Variants in PAPPA observed in about 807,000 individuals in gnomAD.
PAPPA encodes pappalysin 1, also known as pappalysin-1.
In PAPPA, 60 loss-of-function variants were observed where a neutral mutation model predicts 164.0. That is an observed-to-expected ratio of 0.37 (90% confidence interval 0.30 to 0.45). The LOEUF is 0.45. Ranked by LOEUF, PAPPA falls within the 20% of genes least tolerant of loss-of-function variation. PAPPA has a pLI of 1.00. For synonymous variants in PAPPA, 875 were observed against 814.1 expected, an observed-to-expected ratio of 1.07 and a Z score of -1.27; for missense variants, 1,782 against 2,087.3, an observed-to-expected ratio of 0.85 and a Z score of 2.85.
chr9:116,290,717 T>A (rs985073266), intron 9 of PAPPA, among the ~76,000 whole-genome samples: 15 of 152,032 alleles, frequency 9.9e-5, no homozygotes, highest in African/African-American at 3.6e-4. Flanking sequence ...TTTTTTAATA[T>A]GGAGATACAA....
At chr9:116,171,909 AT>A (rs1161217220) in intron 1 of PAPPA, among the ~76,000 whole-genome samples, 2 of 152,192 alleles carry the variant, frequency 1.3e-5, no homozygotes, top group African/African-American at 4.8e-5. Flanking sequence ...AAGAAGGATT[AT>A]TAATTGGGTG....
At chr9:116,190,395 G>A (rs1180442674) in intron 2 of PAPPA, among the ~76,000 whole-genome samples, 1 of 152,182 alleles carries the variant, frequency 6.6e-6, no homozygotes, top group African/African-American at 2.4e-5. Context: ...TGCCAGGAAA[G>A]TGGATACCCT....
intron 5 of PAPPA, among the ~76,000 whole-genome samples, chr9:116,224,421 G>A (rs1176614047): frequency 4.6e-5 from 7 of 152,208 alleles, no homozygotes; most frequent in Non-Finnish European, 1.0e-4. Flanking sequence ...GTTTTCTGAT[G>A]TGTAAGCCAA....
At chr9:116,195,230 TGG>T (rs1472674018) in intron 2 of PAPPA, among the ~76,000 whole-genome samples, 1 of 152,200 alleles carries the variant, frequency 6.6e-6, no homozygotes. Flanking sequence ...TGATTCAGTC[TGG>T]GTTTTCTTCA....
At chr9:116,346,087 C>T (rs531027011) in intron 14 of PAPPA, among the ~76,000 whole-genome samples, 49 of 152,242 alleles carry the variant, frequency 3.2e-4, no homozygotes, top group Middle Eastern at 3.4e-3. Flanking sequence ...CAGTGAGGGA[C>T]CTCACTCAAG....
chr9:116,221,171 G>A (rs1202568027), intron 5 of PAPPA, among the ~76,000 whole-genome samples: 1 of 152,044 alleles, frequency 6.6e-6, no homozygotes, highest in East Asian at 1.9e-4. Context: ...GAATCAAGTG[G>A]TCTCTTGTGA....
intron 7 of PAPPA, among the ~76,000 whole-genome samples, chr9:116,256,581 G>T (rs1844930509): frequency 1.3e-5 from 2 of 151,760 alleles, no homozygotes; most frequent in South Asian, 4.2e-4. Flanking sequence ...ATAGTTTTCA[G>T]ACTAAGGAAA....
intron 6 of PAPPA, among the ~76,000 whole-genome samples, chr9:116,232,022 G>A (rs937678348): frequency 6.6e-6 from 1 of 152,022 alleles, no homozygotes; most frequent in Admixed American, 6.6e-5. Flanking sequence ...CCAAAGTGCT[G>A]GGATTACAGG....
At position 116,355,202 on chromosome 9, in the gene PAPPA, CT is replaced by C. The variant is rs991681624; in HGVS notation, c.4347+1410del. On this transcript the variant is annotated intron_variant, in intron 17 of 21. Coordinates refer to ENST00000328252, the MANE Select transcript of PAPPA (RefSeq NM_002581.5). ...ACTGCATCTGCACCCTTCCCTGTGC[CT>C]CTCAGCACTTAGGACAGTGCCAGGC... Among the ~76,000 whole-genome samples, 3 of 1,236 alleles carry C rather than the reference CT, an allele frequency of 2.4e-3. No homozygotes were observed. In the Non-Finnish European group the frequency reaches 0.031, roughly 13 times the overall value. 0.8% of individuals were successfully genotyped at this position (1,236 alleles called of 152,430 possible). A position where few individuals can be genotyped will look rare whatever the true frequency, so the allele number is the denominator to read the frequency against.
intron 14 of PAPPA, among the ~76,000 whole-genome samples, chr9:116,346,534 T>C (rs1026295371): frequency 5.3e-5 from 8 of 152,168 alleles, no homozygotes; most frequent in Non-Finnish European, 1.2e-4. Flanking sequence ...GAGTGCCTAC[T>C]GTGTGCCAAA....
At chr9:116,165,406 C>G (rs1011572449) in intron 1 of PAPPA, among the ~76,000 whole-genome samples, 10 of 152,210 alleles carry the variant, frequency 6.6e-5, no homozygotes, top group African/African-American at 2.2e-4. Flanking sequence ...GTGTCACCCA[C>G]TCTACATTAC....
chr9:116,206,901 G>A (rs1844242401), intron 2 of PAPPA, among the ~76,000 whole-genome samples: 1 of 152,150 alleles, frequency 6.6e-6, no homozygotes, highest in African/African-American at 2.4e-5. Context: ...ACCGTACAGG[G>A]TACAGAGATG....
intron 12 of PAPPA, among the ~76,000 whole-genome samples, 188 bp from the exon 13 acceptor site, chr9:116,334,673 T>A (rs1846037202): frequency 6.6e-6 from 1 of 151,890 alleles, no homozygotes; most frequent in Non-Finnish European, 1.5e-5. Context: ...TGGAAAGATT[T>A]GGAACCAAGA....
intron 13 of PAPPA, among the ~76,000 whole-genome samples, chr9:116,339,908 A>G (rs546872173): frequency 6.6e-6 from 1 of 152,324 alleles, no homozygotes; most frequent in East Asian, 1.9e-4. Flanking sequence ...ATTGGATCAG[A>G]TAAGGTTTTA....
intron 13 of PAPPA, among the ~76,000 whole-genome samples, chr9:116,339,151 ATC>A (rs1266699284): frequency 6.6e-6 from 1 of 152,140 alleles, no homozygotes. Context: ...TCCATAAACA[ATC>A]TCTCTTTGGC....
At chr9:116,178,354 C>T (rs928622390) in intron 1 of PAPPA, among the ~76,000 whole-genome samples, 2 of 152,076 alleles carry the variant, frequency 1.3e-5, no homozygotes, top group Non-Finnish European at 2.9e-5. Context: ...GTGATCTGCC[C>T]ACCTCAGCCT....
At chr9:116,314,759 G>T (rs1329177064) in intron 10 of PAPPA, among the ~76,000 whole-genome samples, 1 of 152,092 alleles carries the variant, frequency 6.6e-6, no homozygotes, top group African/African-American at 2.4e-5. Context: ...CCTTCTTAGG[G>T]CTTAATTATC....
chr9:116,187,767 G>C lies in PAPPA; in HGVS notation c.1029G>C (p.Gln343His), dbSNP rs1337606694. The change falls in exon 2 of 22, where the codon CAG becomes CAC. Residue 343 changes from glutamine to histidine, a missense_variant. This residue lies in a region of PAPPA where 1,324 missense variants were observed against 1,656.9 expected (regional missense o/e 0.80). Coordinates refer to ENST00000328252, the MANE Select transcript of PAPPA (RefSeq NM_002581.5). The surrounding 1 kb of genome is among the most constrained non-coding windows in gnomAD (Gnocchi z 4.2). ...DNTEVIASYN[Q>H]LSSFRQPKVV... ...CAGAGGTCATTGCCAGCTACAATCA[G>C]CTCTCAAGTTTCCGCCAGCCCAAGG... is the stretch of plus-strand genomic sequence containing the variant. 6.2e-7 allele frequency: 1 copy of C among 1,614,128 alleles called. No individual in the cohort carries two copies. The highest frequency in any genetic ancestry group is 8.5e-7 in the Non-Finnish European group (1 of 1,180,058).
chr9:116,155,042 C>A (rs1237281389), intron 1 of PAPPA, among the ~76,000 whole-genome samples: 1 of 152,190 alleles, frequency 6.6e-6, no homozygotes, highest in Non-Finnish European at 1.5e-5. Context: ...CCCCTGAAAG[C>A]CGGCAAGGGC....
Sources: allele counts gnomAD v4.1 joint callset (sites outside exome capture counted in the v4.1 genomes callset), GRCh38; gene constraint gnomAD v4.1.1; regional missense constraint gnomAD v4.1.1; non-coding constraint Gnocchi (gnomAD v3.1); transcripts MANE v1.5; gene names NCBI Gene and HGNC (gene_info 2026-07-23, HGNC 2026-07-21).